Variants in GULP1 observed in about 807,000 individuals in gnomAD.
GULP1 encodes PTB domain-containing engulfment adapter protein 1.
In GULP1, 19 loss-of-function variants were observed where a neutral mutation model predicts 40.9. That is an observed-to-expected ratio of 0.46 (90% confidence interval 0.32 to 0.68). The LOEUF (loss-of-function observed/expected upper bound fraction) is 0.68. GULP1 is among the 30% of genes least tolerant of loss of function. The pLI, the probability that GULP1 is intolerant of heterozygous loss-of-function variation, is 0.03. For missense variants in GULP1, 312 were observed against 362.2 expected, an observed-to-expected ratio of 0.86 and a Z score of 1.12; for synonymous variants, 119 against 117.6, an observed-to-expected ratio of 1.01 and a Z score of -0.08.
intron 1 of GULP1, among the ~76,000 whole-genome samples, chr2:188,369,996 A>T (rs150660254): frequency 6.6e-6 from 1 of 152,214 alleles, no homozygotes; most frequent in Non-Finnish European, 1.5e-5. Context: ...GTGTGTGCCA[A>T]CACACCTGGT....
intron 2 of GULP1, among the ~76,000 whole-genome samples, chr2:188,418,479 A>C (rs948019258): frequency 6.6e-6 from 1 of 152,142 alleles, no homozygotes; most frequent in African/African-American, 2.4e-5. Context: ...TAAAAATACA[A>C]AAAATTAGCC....
At chr2:188,573,056 A>C (rs1306691525) in intron 9 of GULP1, among the ~76,000 whole-genome samples, 1 of 152,206 alleles carries the variant, frequency 6.6e-6, no homozygotes, top group Non-Finnish European at 1.5e-5. Context: ...TTTTAGAAGA[A>C]AGTGAACTCA....
chr2:188,563,561 T>TAAA (rs1696877972), intron 7 of GULP1, among the ~76,000 whole-genome samples: 2 of 149,940 alleles, frequency 1.3e-5, no homozygotes, highest in Admixed American at 6.6e-5. Flanking sequence ...TTTATCTTTT[T>TAAA]TTTATATTTT....
chr2:188,533,751 G>A (rs766067043), intron 6 of GULP1, among the ~76,000 whole-genome samples: 3 of 151,870 alleles, frequency 2.0e-5, no homozygotes, highest in African/African-American at 4.8e-5. Context: ...TCTAATATCC[G>A]GAATCTATAA....
At chr2:188,308,489 T>C (rs1177115781) in intron 1 of GULP1, among the ~76,000 whole-genome samples, 1 of 152,162 alleles carries the variant, frequency 6.6e-6, no homozygotes, top group Non-Finnish European at 1.5e-5. Flanking sequence ...TGTGTTTGTG[T>C]GAGAGAACAA....
chr2:188,476,680 A>G (rs933423707), intron 2 of GULP1, among the ~76,000 whole-genome samples: 1 of 152,156 alleles, frequency 6.6e-6, no homozygotes, highest in African/African-American at 2.4e-5. Context: ...GATAAAGTAG[A>G]AGTGAAAGGC....
At position 188,586,252 on chromosome 2, in the gene GULP1, A is replaced by T. The variant is rs372487934; in HGVS notation, c.749-1603A>T. On this transcript the variant is annotated intron_variant, in intron 10 of 11. Transcript: ENST00000409830. ...ACAGAGAAATAGAGATTATATAGACATAATCTATATAAGTGAGTCACTCCA... is the reference window on the plus strand; with the variant it reads ...ACAGAGAAATAGAGATTATATAGACTTAATCTATATAAGTGAGTCACTCCA... Among the ~76,000 whole-genome samples, 87 of 152,304 alleles carry T rather than the reference A, an allele frequency of 5.7e-4. 1 individual carries two copies. The highest frequency in any genetic ancestry group is 1.8e-3 in the African/African-American group (75 of 41,578).
intron 2 of GULP1, among the ~76,000 whole-genome samples, chr2:188,402,625 G>A (rs1482746358): frequency 6.6e-6 from 1 of 151,888 alleles, no homozygotes; most frequent in Non-Finnish European, 1.5e-5. Context: ...AGACTATGCT[G>A]GGAATGTTTA....
At chr2:188,341,082 G>A (rs938528300) in intron 1 of GULP1, among the ~76,000 whole-genome samples, 5 of 152,120 alleles carry the variant, frequency 3.3e-5, no homozygotes, top group African/African-American at 9.7e-5. Flanking sequence ...AGGAATGCAT[G>A]TTCTCACTTT....
chr2:188,454,609 G>A (rs2059109105), intron 2 of GULP1, among the ~76,000 whole-genome samples: 1 of 152,180 alleles, frequency 6.6e-6, no homozygotes, highest in African/African-American at 2.4e-5. Context: ...TCCTGCCTCT[G>A]TCAGTAGATC....
intron 7 of GULP1, chr2:188,542,059 A>T (rs1690655050): frequency 6.6e-6 from 1 of 152,056 alleles, no homozygotes; most frequent in Non-Finnish European, 1.5e-5. Context: ...GTGAGCCAAG[A>T]TCGCGCCACT....
chr2:188,549,274 T>G (rs1692825856), intron 7 of GULP1, among the ~76,000 whole-genome samples: 1 of 151,640 alleles, frequency 6.6e-6, no homozygotes, highest in East Asian at 1.9e-4. Context: ...ATCAGACAAA[T>G]AACTAGTAAA....
chr2:188,544,904 A>G (rs905046117), intron 7 of GULP1, among the ~76,000 whole-genome samples: 2 of 152,066 alleles, frequency 1.3e-5, no homozygotes, highest in Admixed American at 1.3e-4. Flanking sequence ...TCCAAACAGG[A>G]TTAATCCAAG....
chr2:188,490,510 G>A (rs1400716590), intron 4 of GULP1, among the ~76,000 whole-genome samples: 1 of 152,100 alleles, frequency 6.6e-6, no homozygotes, highest in Non-Finnish European at 1.5e-5. Flanking sequence ...CAGGGGTTTG[G>A]CAGAGATGTG....
At chr2:188,337,071 C>T (rs2042352142) in intron 1 of GULP1, among the ~76,000 whole-genome samples, 1 of 150,994 alleles carries the variant, frequency 6.6e-6, no homozygotes, top group Non-Finnish European at 1.5e-5. Context: ...ACTTGCTTCT[C>T]CTATAAATAT....
At chr2:188,493,115 C>T (rs376359854) in intron 4 of GULP1, among the ~76,000 whole-genome samples, 30 of 152,108 alleles carry the variant, frequency 2.0e-4, no homozygotes, top group African/African-American at 7.2e-4. Flanking sequence ...TCTCTATTTA[C>T]GAGACCTATG....
intron 2 of GULP1, among the ~76,000 whole-genome samples, chr2:188,434,854 T>G (rs2152835268): frequency 6.6e-6 from 1 of 152,158 alleles, no homozygotes; most frequent in Non-Finnish European, 1.5e-5. Context: ...TTTTGTATGC[T>G]TTCATTGCTT....
intron 2 of GULP1, among the ~76,000 whole-genome samples, chr2:188,455,948 T>C (rs2059222726): frequency 6.6e-6 from 1 of 152,214 alleles, no homozygotes; most frequent in African/African-American, 2.4e-5. Context: ...ACTCTTATTA[T>C]GTTTTAGCAA....
chr2:188,346,848 G>C (rs2043738809), intron 1 of GULP1, among the ~76,000 whole-genome samples: 1 of 151,318 alleles, frequency 6.6e-6, no homozygotes, highest in African/African-American at 2.4e-5. Context: ...GCAGGCGCCT[G>C]TAATCCCAAC....
Sources: gnomAD v4.1 joint callset for allele counts (sites outside exome capture counted in the v4.1 genomes callset) on GRCh38, gnomAD v4.1.1 for gene constraint, MANE v1.5 for transcripts, NCBI Gene and HGNC (gene_info 2026-07-23, HGNC 2026-07-21) for gene names.